The following KIAA0586 variants were observed in gnomAD, a reference collection of about 807,000 sequenced individuals.
The protein encoded by KIAA0586 is KIAA0586.
Under a neutral mutation model 169.8 loss-of-function variants are expected in KIAA0586, and 144 were observed. The ratio of observed to expected loss-of-function variants is 0.85; its 90% CI spans 0.74 to 0.97. The LOEUF (loss-of-function observed/expected upper bound fraction) is 0.97. Among genes scored for constraint, KIAA0586 ranks in the 50% least tolerant of loss-of-function variants. The pLI is 0.00. For synonymous variants in KIAA0586, 625 were observed against 612.4 expected (o/e 1.02, Z -0.30); for missense variants, 1,854 against 1,823.0 (o/e 1.02, Z -0.31).
Position 58,427,787 on chromosome 14 carries a change from A to C in KIAA0586, c.-478A>C. The C allele has an allele frequency of 6.6e-7, 1 of 1,516,318 alleles. No homozygotes were observed. The highest frequency in any genetic ancestry group is 8.8e-7 in the Non-Finnish European group (1 of 1,137,112). 93.9% of individuals were successfully genotyped at this position (1,516,318 alleles called of 1,614,324 possible). On this transcript the variant is annotated 5_prime_UTR_variant, in exon 1 of 31. It removes an upstream start codon present in the reference 5' UTR. Transcript: ENST00000652326. ...TCTGGAGATACGTAGGGGTGAATTT[A>C]TGTTTCCGACGATTGCATCTGGAGG...
chr14:58,561,838 A>G, the KIAA0586 span, among the ~76,000 whole-genome samples: 1 of 152,148 alleles, frequency 6.6e-6, no homozygotes, highest in Non-Finnish European at 1.5e-5. Context: ...AGAATGCTAA[A>G]TAGCCTCCTC....
chr14:58,532,168 GA>G (rs986710905), intron 29 of KIAA0586, among the ~76,000 whole-genome samples: 3 of 149,768 alleles, frequency 2.0e-5, no homozygotes, highest in Non-Finnish European at 3.0e-5. Flanking sequence ...ATGTATCCCA[GA>G]ACTTAATGTG....
chr14:58,469,594 CA>C (rs1326694854), intron 16 of KIAA0586, among the ~76,000 whole-genome samples: 1 of 152,118 alleles, frequency 6.6e-6, no homozygotes, highest in African/African-American at 2.4e-5. Context: ...GGATCTAGAT[CA>C]GGGGGCAAAG....
intron 4 of KIAA0586, among the ~76,000 whole-genome samples, chr14:58,435,702 A>G (rs1319035361): frequency 2.0e-5 from 3 of 151,996 alleles, no homozygotes; most frequent in African/African-American, 4.8e-5. Flanking sequence ...GAATAGAATG[A>G]TACATTCCTT....
Position 58,450,583 on chromosome 14 carries a change from T to G in KIAA0586, c.966T>G (p.Pro322=). 1.3e-6 allele frequency: 2 copies of G among 1,598,022 alleles called. No individual in the cohort carries two copies. Among genetic ancestry groups the G allele is most frequent in the Non-Finnish European group, 1.7e-6 (2 of 1,174,106 alleles). ...LYNTFASKQA[P]LKEVEDTSFD... is the part of the protein sequence containing the mutation. ...TTAAAAAATTTTCTGTTAAAGCACC[T>G]TTAAAAGAAGTTGAAGATACGAGTT... is the stretch of plus-strand genomic sequence containing the variant. Residue 322 remains proline (P), a synonymous_variant, in exon 8 of 31, where the codon CCT becomes CCG. Coordinates refer to ENST00000652326, the MANE Select transcript of KIAA0586 (RefSeq NM_001329943.3).
Position 58,472,451 on chromosome 14 carries a change from A to G in KIAA0586, c.2634+172A>G, listed in dbSNP as rs10220378. 0.096 allele frequency among the ~76,000 whole-genome samples: 14,638 copies of G among 151,986 alleles called. 907 individuals carry two copies. Among genetic ancestry groups the G allele is most frequent in the African/African-American group, 0.18 (7,261 of 41,484 alleles). On this transcript the variant is annotated intron_variant, in intron 18 of 30. Coordinates refer to ENST00000652326, the MANE Select transcript of KIAA0586 (RefSeq NM_001329943.3). ...AAGTTGTTATTCTAGAATGTCTTTA[A>G]TCTATATCACCTATCTGCCTTCATG...
chr14:58,482,780 A>G (rs1302603808), intron 21 of KIAA0586, 68 bp downstream of exon 21: 18 of 1,043,416 alleles, frequency 1.7e-5, no homozygotes, highest in Admixed American at 2.6e-5. Context: ...TGCATACCAT[A>G]AGATCATTGT....
intron 21 of KIAA0586, 81 bp from the exon 22 acceptor site, chr14:58,486,926 T>A: frequency 8.7e-7 from 1 of 1,146,578 alleles, no homozygotes; most frequent in African/African-American, 1.6e-5. Context: ...ATATATAGTC[T>A]ATGAATGAGT....
intron 27 of KIAA0586, 49 bp downstream of exon 27, chr14:58,499,009 T>C: frequency 6.8e-7 from 1 of 1,473,074 alleles, no homozygotes; most frequent in East Asian, 2.5e-5. Flanking sequence ...GTATCCCTAA[T>C]CTGAGTTGAG....
intron 14 of KIAA0586, among the ~76,000 whole-genome samples, chr14:58,465,237 G>A (rs1288760407): frequency 6.6e-6 from 1 of 152,158 alleles, no homozygotes; most frequent in South Asian, 2.1e-4. Flanking sequence ...GTTTAAGTAA[G>A]TATAGAATTT....
At chr14:58,454,613 G>GT (rs575353994) in intron 9 of KIAA0586, among the ~76,000 whole-genome samples, 32 of 152,242 alleles carry the variant, frequency 2.1e-4, no homozygotes, top group Admixed American at 1.8e-3. Flanking sequence ...AATTTTCTCA[G>GT]TTTTTGTTTA....
intron 29 of KIAA0586, among the ~76,000 whole-genome samples, chr14:58,515,037 C>G (rs2044652248): frequency 2.0e-5 from 3 of 151,148 alleles, no homozygotes; most frequent in Admixed American, 6.6e-5. Flanking sequence ...AATTATTTTC[C>G]TTCTTTTTTT....
At position 58,457,755 on chromosome 14, in the gene KIAA0586, T is replaced by C. The variant is rs1566822772; in HGVS notation, c.1363-4T>C. On this transcript the variant is annotated splice_polypyrimidine_tract_variant and splice_region_variant and intron_variant, in intron 10 of 30. Coordinates refer to ENST00000652326, the MANE Select transcript of KIAA0586 (RefSeq NM_001329943.3). ...GTAACTTTCTGGTCTTTTTTTCTTT[T>C]AAGCCAAAAGAATCTCTGAGTATGT... 2 of 1,571,120 alleles carry C rather than the reference T, an allele frequency of 1.3e-6. No homozygotes were observed. The highest frequency in any genetic ancestry group is 1.9e-5 in the Admixed American group (1 of 52,244).
chr14:58,473,146 C>T (rs1290937740), intron 18 of KIAA0586, among the ~76,000 whole-genome samples: 1 of 151,576 alleles, frequency 6.6e-6, no homozygotes, highest in African/African-American at 2.4e-5. Flanking sequence ...AAGCTGTGGA[C>T]TTCATTTTTC....
At position 58,491,065 on chromosome 14, in the gene KIAA0586, A is replaced by G. The variant is rs538033837; in HGVS notation, c.3858+825A>G. ...GCATAGCAATCACTTTTATGAAATAATATGGGAAGAAGGCATAAATGAGAT... is the reference window on the plus strand; with the variant it reads ...GCATAGCAATCACTTTTATGAAATAGTATGGGAAGAAGGCATAAATGAGAT... On this transcript the variant is annotated intron_variant, in intron 25 of 30. Coordinates refer to ENST00000652326, the MANE Select transcript of KIAA0586 (RefSeq NM_001329943.3). Among the ~76,000 whole-genome samples the G allele has an allele frequency of 3.3e-4, 50 of 152,304 alleles. No individual in the cohort carries two copies. The South Asian group carries it at 6.8e-3, about 21-fold the overall frequency.
chr14:58,469,433 C>G (rs2041028086), intron 16 of KIAA0586, among the ~76,000 whole-genome samples: 1 of 152,112 alleles, frequency 6.6e-6, no homozygotes, highest in Non-Finnish European at 1.5e-5. Flanking sequence ...CAGCGTAGGC[C>G]CACTAACCCA....
chr14:58,499,276 G>A lies in KIAA0586; in HGVS notation c.4168+316G>A, dbSNP rs556346445. Among the ~76,000 whole-genome samples the A allele has an allele frequency of 1.2e-4, 18 of 152,024 alleles. No individual in the cohort carries two copies. The East Asian group carries it at 3.3e-3, about 28-fold the overall frequency. On this transcript the variant is annotated intron_variant, in intron 27 of 30. Transcript: ENST00000652326. The stretch of plus-strand genomic sequence containing the variant: ...TCATTCTATTTATTTATTTAGAGAC[G>A]GAGTCTTGCTCTGTCACTCAGGCTG...
chr14:58,483,576 A>T (rs911056038), intron 21 of KIAA0586, among the ~76,000 whole-genome samples: 3 of 152,070 alleles, frequency 2.0e-5, no homozygotes, highest in African/African-American at 7.2e-5. Context: ...GTTTTTTTTT[A>T]AATCAAGATA....
Position 58,482,491 on chromosome 14 carries a change from GA to G in KIAA0586, c.2945-21del, listed in dbSNP as rs1221793461. 3.5e-6 allele frequency: 5 copies of G among 1,425,550 alleles called. No individual in the cohort carries two copies. The Admixed American group carries it at 1.0e-4, about 29-fold the overall frequency. The allele number at this position is 1,425,550 out of a possible 1,614,324, so 88.3% of individuals were successfully genotyped here. A position where few individuals can be genotyped will look rare whatever the true frequency, so the allele number is the denominator to read the frequency against. On this transcript the variant is annotated intron_variant, in intron 20 of 30. Transcript: ENST00000652326. The stretch of plus-strand genomic sequence containing the variant: ...AGCATGTTTCTTGCCCACTTATTCT[GA>G]TTTTTTTTTTTTACTTTTAGTGGAA...
Sources: gnomAD v4.1 joint callset for allele counts (sites outside exome capture counted in the v4.1 genomes callset) on GRCh38, gnomAD v4.1.1 for gene constraint, MANE v1.5 for transcripts, NCBI Gene and HGNC (gene_info 2026-07-23, HGNC 2026-07-21) for gene names.